Variants in KCNH2 observed in about 807,000 individuals in gnomAD.
KCNH2 encodes potassium voltage-gated channel subfamily H member 2.
KCNH2 carries 35 observed loss-of-function variants against 95.9 expected under a neutral mutation model. The observed-to-expected ratio is 0.37, with a 90% confidence interval of 0.28 to 0.48. The LOEUF is 0.48. KCNH2 is among the 20% of genes least tolerant of loss of function. The pLI is 0.99. For missense variants in KCNH2, 1,274 were observed against 1,702.9 expected, an observed-to-expected ratio of 0.75 and a Z score of 4.43; for synonymous variants, 786 against 754.7, an observed-to-expected ratio of 1.04 and a Z score of -0.68.
intron 2 of KCNH2, among the ~76,000 whole-genome samples, chr7:150,974,472 C>T (rs1324093046): frequency 6.6e-6 from 1 of 152,216 alleles, no homozygotes; most frequent in Non-Finnish European, 1.5e-5. Context: ...AGCCTAGCAA[C>T]TCCTTTGCCC....
chr7:150,966,156 T>C (rs935538994), intron 2 of KCNH2, among the ~76,000 whole-genome samples: 1 of 152,132 alleles, frequency 6.6e-6, no homozygotes, highest in Non-Finnish European at 1.5e-5. Context: ...CACACACAGC[T>C]TGCCACAGGG....
chr7:150,966,522 G>A (rs1183407891), intron 2 of KCNH2, among the ~76,000 whole-genome samples: 1 of 151,720 alleles, frequency 6.6e-6, no homozygotes, highest in Non-Finnish European at 1.5e-5. Context: ...CATAAACAGC[G>A]AAAACTGGCA....
intron 5 of KCNH2, among the ~76,000 whole-genome samples, chr7:150,954,354 G>A (rs1801293541): frequency 6.6e-6 from 1 of 152,050 alleles, no homozygotes; most frequent in African/African-American, 2.4e-5. Flanking sequence ...GCTCTTCTCT[G>A]TGCCTGAGAG....
At chr7:150,977,517 A>G (rs1184220494) in intron 1 of KCNH2, among the ~76,000 whole-genome samples, 2 of 151,940 alleles carry the variant, frequency 1.3e-5, no homozygotes, top group African/African-American at 4.8e-5. Flanking sequence ...ACGTCCACGC[A>G]CCCAGAGTTG....
In KCNH2 at chr7:150,977,922, C is replaced by T. The variant is rs1287855282; in HGVS notation, c.-9G>A. The T allele has an allele frequency of 6.3e-7, 1 of 1,594,630 alleles. No individual in the cohort carries two copies. On this transcript the variant is annotated 5_prime_UTR_variant, in exon 1 of 15. It removes an upstream start codon present in the reference 5' UTR. Transcript: ENST00000262186. ...CCCCTCCGCACCGGCATCCTGAGCC[C>T]ATGGGCGGGCCGGGCGGGCCCCCAC...
chr7:150,975,482 A>G (rs1336799411), intron 1 of KCNH2, among the ~76,000 whole-genome samples: 4 of 151,942 alleles, frequency 2.6e-5, no homozygotes, highest in South Asian at 2.1e-4. Flanking sequence ...CCAGGTCAGT[A>G]CCCCCTAGAA....
At chr7:150,948,566 G>C in intron 10 of KCNH2, 23 bp from the exon 11 acceptor site, 2 of 1,593,884 alleles carry the variant, frequency 1.3e-6, no homozygotes, top group South Asian at 1.1e-5. Context: ...TCAGTATCAG[G>C]GCCCTTTCAG....
At chr7:150,955,979 C>G (rs1255851351) in intron 5 of KCNH2, 3 of 372,428 alleles carry the variant, frequency 8.1e-6, no homozygotes, top group African/African-American at 6.6e-5. Context: ...CGCCAGCAGC[C>G]GGGCCTGTCA....
chr7:150,952,864 G>A lies in KCNH2; in HGVS notation c.1129-11C>T. Reference sequence around the variant, plus strand: ...GCCCAGGGACAGGACCTGCACCCGGGGAAGGCGGAGGTGTGGGTGAGGCAG... The same window carrying A: ...GCCCAGGGACAGGACCTGCACCCGGAGAAGGCGGAGGTGTGGGTGAGGCAG... On this transcript the variant is annotated splice_polypyrimidine_tract_variant and intron_variant, in intron 5 of 14. Transcript: ENST00000262186. This position sits in a 1 kb window ranked among gnomAD's most constrained non-coding sequence, Gnocchi z 7.3. The A allele has an allele frequency of 6.2e-7, 1 of 1,611,750 alleles. No homozygotes were observed. The highest frequency in any genetic ancestry group is 8.5e-7 in the Non-Finnish European group (1 of 1,179,928).
Position 150,957,494 on chromosome 7 carries a change from G to A in KCNH2, c.925C>T (p.His309Tyr), listed in dbSNP as rs1241849013. The A allele has an allele frequency of 3.1e-6, 5 of 1,612,584 alleles. No homozygotes were observed. The African/African-American group carries it at 4.0e-5, about 13-fold the overall frequency. ...PPRHASTGAM[H>Y]PLRSGLLNST... is the part of the protein sequence containing the mutation. ...TTGAGCAAGCCGCTGCGCAGTGGGT[G>A]CATGGCCCCTAGGTGGAGAGGCAGC... The change falls in exon 5 of 15, where the codon CAC (histidine) becomes TAC (tyrosine). Residue 309 changes from histidine (H) to tyrosine (Y), a missense_variant. His to Tyr is a moderately conservative substitution (Grantham distance 83). Around this residue, in one of 7 missense-constraint regions of KCNH2, gnomAD observed 392 missense variants for 429.9 expected, o/e 0.91. Coordinates refer to ENST00000262186, the MANE Select transcript of KCNH2 (RefSeq NM_000238.4).
At chr7:150,950,116 C>T in intron 9 of KCNH2, 52 bp downstream of exon 9, 3 of 1,611,548 alleles carry the variant, frequency 1.9e-6, no homozygotes, top group South Asian at 1.1e-5. Context: ...GCTCGCACCT[C>T]TTGAGGCTGC....
chr7:150,954,118 C>T (rs570100598), intron 5 of KCNH2, among the ~76,000 whole-genome samples: 2 of 152,294 alleles, frequency 1.3e-5, no homozygotes, highest in Admixed American at 6.5e-5. Flanking sequence ...AGATGGGCTG[C>T]GGGAGCAGCT....
chr7:150,948,784 G>T, intron 10 of KCNH2, 72 bp downstream of exon 10: 1 of 1,383,226 alleles, frequency 7.2e-7, no homozygotes, highest in Non-Finnish European at 1.0e-6. Context: ...CACATTCAAT[G>T]TCACACAGCA....
chr7:150,954,876 T>A (rs891487606), intron 5 of KCNH2, among the ~76,000 whole-genome samples: 3 of 152,128 alleles, frequency 2.0e-5, no homozygotes, highest in African/African-American at 7.2e-5. Context: ...ATGAGCCAGG[T>A]GCCTCAGCCC....
At position 150,952,704 on chromosome 7, in the gene KCNH2, G is replaced by A. The variant is rs1801227403; in HGVS notation, c.1278C>T (p.Pro426=). 3.1e-6 allele frequency: 5 copies of A among 1,614,218 alleles called. No homozygotes were observed. Among genetic ancestry groups the A allele is most frequent in the Non-Finnish European group, 4.2e-6 (5 of 1,180,054 alleles). ...CCTTCAGCAGGAAGGCAGCCGAGTA[G>A]GGTGTGAAGACAGCCGTGTAGATGA... ...LLVIYTAVFT[P]YSAAFLLKET... is the part of the protein sequence containing the mutation. Residue 426 remains proline (P), a synonymous_variant, in exon 6 of 15, where the codon CCC becomes CCT. Coordinates refer to ENST00000262186, the MANE Select transcript of KCNH2 (RefSeq NM_000238.4). This position sits in a 1 kb window ranked among gnomAD's most constrained non-coding sequence, Gnocchi z 7.3.
rs541179011 is a variant in KCNH2 at position 150,966,804 on chromosome 7, T to C, written c.308-7068A>G. On this transcript the variant is annotated intron_variant, in intron 2 of 14. Transcript: ENST00000262186. ...GTCGGGGCAAAAGGGAACAAAACCT[T>C]AAACTAGCAAGAAATACAGAACTCA... Among the ~76,000 whole-genome samples, 156 of 152,234 alleles carry C rather than the reference T, an allele frequency of 1.0e-3. 1 individual carries two copies. The highest frequency in any genetic ancestry group is 3.4e-3 in the African/African-American group (143 of 41,550).
In KCNH2 at chr7:150,958,497, C is replaced by T. The variant is rs1210130846; in HGVS notation, c.478G>A (p.Ala160Thr). The change falls in exon 4 of 15, where the codon GCC becomes ACC. Residue 160 changes from alanine to threonine, a missense_variant. By Grantham distance (58) the Ala-to-Thr change is moderately conservative (BLOSUM62 0). Coordinates refer to ENST00000262186, the MANE Select transcript of KCNH2 (RefSeq NM_000238.4). ...PPTSWLAPGR[A>T]KTFRLKLPAL... ...GGCAGCTTCAGGCGGAAGGTCTTGGCGCGGCCTGCGGGAGAGGAGAGGCAC... is the reference window on the plus strand; with the variant it reads ...GGCAGCTTCAGGCGGAAGGTCTTGGTGCGGCCTGCGGGAGAGGAGAGGCAC... The T allele has an allele frequency of 6.8e-7, 1 of 1,475,518 alleles. No homozygotes were observed. The highest frequency in any genetic ancestry group is 8.9e-7 in the Non-Finnish European group (1 of 1,120,020). The allele number at this position is 1,475,518 out of a possible 1,614,324, so 91.4% of individuals were successfully genotyped here.
In KCNH2 at chr7:150,970,790, G is replaced by A. The variant is rs548074824; in HGVS notation, c.307+3921C>T. Among the ~76,000 whole-genome samples the A allele has an allele frequency of 9.0e-4, 137 of 152,270 alleles. 1 individual carries two copies. Among genetic ancestry groups the A allele is most frequent in the African/African-American group, 3.1e-3 (129 of 41,552 alleles). The stretch of plus-strand genomic sequence containing the variant: ...AACACCGCTGTCCCCATGATGAAGG[G>A]CGCTCCCCTGATAGCTTCAGTGCCA... On this transcript the variant is annotated intron_variant, in intron 2 of 14. Transcript: ENST00000262186.
At chr7:150,959,838 T>G in intron 2 of KCNH2, 102 bp from the exon 3 acceptor site, 3 of 1,302,654 alleles carry the variant, frequency 2.3e-6, no homozygotes, top group Non-Finnish European at 3.3e-6. Context: ...CGTCCACTTC[T>G]GCCTCCCCGT....
Sources: allele counts gnomAD v4.1 joint callset (sites outside exome capture counted in the v4.1 genomes callset), GRCh38; gene constraint gnomAD v4.1.1; regional missense constraint gnomAD v4.1.1; non-coding constraint Gnocchi (gnomAD v3.1); transcripts MANE v1.5; gene names NCBI Gene and HGNC (gene_info 2026-07-23, HGNC 2026-07-21).